FFAR1: variants seen among roughly 807,000 people sequenced by gnomAD.
FFAR1 encodes G-protein coupled receptor 40.
For synonymous variants in FFAR1, 216 were observed against 201.5 expected, an observed-to-expected ratio of 1.07 and a Z score of -0.61; for missense variants, 424 against 396.2, an observed-to-expected ratio of 1.07 and a Z score of -0.60.
chr19:35,350,483 C>A (rs369076616), upstream of FFAR1, among the ~76,000 whole-genome samples: 1 of 152,096 alleles, frequency 6.6e-6, no homozygotes. Flanking sequence ...CTGGCCCCAG[C>A]GCAGGTGTGA....
At chr19:35,349,554 G>A (rs1382068431), upstream of FFAR1, among the ~76,000 whole-genome samples, 2 of 152,236 alleles carry the variant, frequency 1.3e-5, no homozygotes, top group Non-Finnish European at 2.9e-5. Flanking sequence ...GGCGAGCATG[G>A]ACCAATTTAG....
chr19:35,349,688 G>A (rs1472433718), upstream of FFAR1, among the ~76,000 whole-genome samples: 1 of 152,196 alleles, frequency 6.6e-6, no homozygotes, highest in Non-Finnish European at 1.5e-5. Flanking sequence ...CACAGAGAGA[G>A]GTTTATGATG....
chr19:35,350,464 G>A (rs1185536633), upstream of FFAR1, among the ~76,000 whole-genome samples: 1 of 152,186 alleles, frequency 6.6e-6, no homozygotes, highest in Non-Finnish European at 1.5e-5. Context: ...CATCAAGGGT[G>A]GAGAAGACCT....
chr19:35,350,741 G>A (rs1599700866), upstream of FFAR1, among the ~76,000 whole-genome samples: 1 of 152,114 alleles, frequency 6.6e-6, no homozygotes, highest in African/African-American at 2.4e-5. Flanking sequence ...CCTGTCACCC[G>A]CCCTCCTCCC....
exon 1 of FFAR1, chr19:35,353,494 A>G (rs1429754482): frequency 1.3e-5 from 2 of 152,228 alleles, no homozygotes; most frequent in Non-Finnish European, 2.9e-5. Context: ...CTGGAAAAAA[A>G]AGAAAAAAGA....
At chr19:35,352,814 CT>C (rs2066951587) in exon 1 of FFAR1, 1 of 336,434 alleles carries the variant, frequency 3.0e-6, no homozygotes, top group Non-Finnish European at 5.6e-6. Flanking sequence ...CCCACAGGAA[CT>C]GCCACTCCGG....
At chr19:35,347,960 C>T (rs187935906), upstream of FFAR1, among the ~76,000 whole-genome samples, 543 of 151,970 alleles carry the variant, frequency 3.6e-3, 5 homozygotes, top group African/African-American at 0.012. Context: ...TTCACTGATT[C>T]AGACTTTCCA....
upstream of FFAR1, among the ~76,000 whole-genome samples, chr19:35,348,457 A>G (rs7247137): frequency 0.11 from 16,215 of 152,150 alleles, 1,172 homozygotes; most frequent in South Asian, 0.23. Flanking sequence ...AAATTAGCTG[A>G]GCGTGGTGAT....
exon 1 of FFAR1, chr19:35,351,686 C>A: frequency 6.4e-7 from 1 of 1,562,542 alleles, no homozygotes. Flanking sequence ...TGGTCTACGC[C>A]CTGAACCTGG....
At chr19:35,353,304 G>A (rs935578205) in exon 1 of FFAR1, 3 of 152,090 alleles carry the variant, frequency 2.0e-5, no homozygotes, top group African/African-American at 7.2e-5. Context: ...AAGATAGTGA[G>A]ACCCCCACCT....
At chr19:35,352,270 A>G in exon 1 of FFAR1, 1 of 1,552,976 alleles carries the variant, frequency 6.4e-7, no homozygotes, top group South Asian at 1.2e-5. Context: ...GTAGGACCCT[A>G]CAACGCCTCC....
exon 1 of FFAR1, chr19:35,352,040 G>C (rs201789700): frequency 7.1e-5 from 115 of 1,613,940 alleles, no homozygotes; most frequent in Admixed American, 3.5e-4. Flanking sequence ...TCAACACACC[G>C]GTCAACGGCT....
upstream of FFAR1, among the ~76,000 whole-genome samples, chr19:35,348,481 C>T (rs2066930473): frequency 6.6e-6 from 1 of 152,208 alleles, no homozygotes; most frequent in Non-Finnish European, 1.5e-5. Context: ...CACCTGTAAT[C>T]TCAGCTACTT....
upstream of FFAR1, among the ~76,000 whole-genome samples, chr19:35,349,784 C>T (rs2066936577): frequency 6.6e-6 from 1 of 152,140 alleles, no homozygotes; most frequent in Admixed American, 6.5e-5. Context: ...TGTTGTCATT[C>T]TGAGGCAGGA....
rs777875100 is a variant in FFAR1 at position 35,352,079 on chromosome 19, G to A, written c.528G>A (p.Pro176=). 15 of 1,613,070 alleles carry A rather than the reference G, an allele frequency of 9.3e-6. No individual in the cohort carries two copies. The Admixed American group carries it at 1.5e-4, about 16-fold the overall frequency. Residue 176 remains proline (P), a synonymous_variant, in exon 1 of 1, where the codon CCG becomes CCA. Transcript: ENST00000246553. Reference sequence around the variant, plus strand: ...CGGTCTGCCTGGAGGCCTGGGACCCGGCCTCTGCCGGCCCGGCCCGCTTCA... The same window carrying A: ...CGGTCTGCCTGGAGGCCTGGGACCCAGCCTCTGCCGGCCCGGCCCGCTTCA...
At chr19:35,352,028 C>A (rs748238031) in exon 1 of FFAR1, 3 of 1,613,908 alleles carry the variant, frequency 1.9e-6, no homozygotes, top group African/African-American at 2.7e-5. Context: ...CCTCCCTGGG[C>A]ATCAACACAC....
upstream of FFAR1, among the ~76,000 whole-genome samples, chr19:35,350,602 C>T (rs971364016): frequency 1.6e-4 from 25 of 152,160 alleles, no homozygotes; most frequent in African/African-American, 5.6e-4. Context: ...GACAGGACCC[C>T]AATTCCTCCC....
chr19:35,351,750 C>CT lies in FFAR1; in HGVS notation c.200dup (p.Ala68SerfsTer205), dbSNP rs1568495725. ...TCTGCCCCTGAAGGCGGTGGAGGCG[C>CT]TAGCCTCCGGGGCCTGGCCTCTGCC... On this transcript the variant is annotated frameshift_variant, in exon 1 of 1. Coordinates refer to ENST00000246553, the Ensembl canonical transcript of FFAR1. LOFTEE classifies it low-confidence loss of function (END_TRUNC). The CT allele has an allele frequency of 6.4e-7, 1 of 1,564,296 alleles. No individual in the cohort carries two copies. The highest frequency in any genetic ancestry group is 8.6e-7 in the Non-Finnish European group (1 of 1,157,602).
At position 35,352,819 on chromosome 19, in the gene FFAR1, A is replaced by G. The variant is rs1160250999; in HGVS notation, c.*365A>G. Reference sequence around the variant, plus strand: ...CTGTTTCTGACCCACAGGAACTGCCACTCCGGTGATGCACTTGAGGACAGC... The same window carrying G: ...CTGTTTCTGACCCACAGGAACTGCCGCTCCGGTGATGCACTTGAGGACAGC... On this transcript the variant is annotated 3_prime_UTR_variant, in exon 1 of 1. Transcript: ENST00000246553. 1.2e-5 allele frequency: 4 copies of G among 325,968 alleles called. 1 individual carries two copies. Among genetic ancestry groups the G allele is most frequent in the South Asian group, 1.2e-4 (3 of 25,796 alleles). 20.2% of individuals were successfully genotyped at this position (325,968 alleles called of 1,614,324 possible).
Sources: gnomAD v4.1 joint callset for allele counts (sites outside exome capture counted in the v4.1 genomes callset) on GRCh38, gnomAD v4.1.1 for gene constraint, MANE v1.5 for transcripts, NCBI Gene and HGNC (gene_info 2026-07-23, HGNC 2026-07-21) for gene names.